MYOF: variants seen among roughly 807,000 people sequenced by gnomAD.
MYOF encodes the protein myoferlin, also known as fer-1-like 3, myoferlin.
Under a neutral mutation model 284.2 loss-of-function variants are expected in MYOF, and 244 were observed. That is an observed-to-expected ratio of 0.86 (90% CI 0.77 to 0.95). The LOEUF (loss-of-function observed/expected upper bound fraction) is 0.95, where lower values mean the gene tolerates loss of function less well. MYOF is among the 40% of genes least tolerant of loss of function. The pLI, the probability that MYOF is intolerant of heterozygous loss-of-function variation, is 0.00. For synonymous variants in MYOF, 904 were observed against 919.7 expected (o/e 0.98, Z 0.31); for missense variants, 2,496 against 2,560.6 (o/e 0.97, Z 0.54).
chr10:93,420,738 C>T (rs950137480), intron 5 of MYOF, among the ~76,000 whole-genome samples: 11 of 152,082 alleles, frequency 7.2e-5, no homozygotes, highest in Admixed American at 2.0e-4. Flanking sequence ...GAGGATGGGA[C>T]GCAGAGATTT....
Position 93,379,913 on chromosome 10 carries a change from T to G in MYOF, c.1951A>C (p.Ser651Arg). The part of the protein sequence containing the change: ...VTLTSYWEDI[S>R]HRLDAVNTLL... ...GTGTTCACCGCATCCAGGCGATGAC[T>G]AATATCCTCCCAGTATGAAGTCAGG... Residue 651 changes from serine (S) to arginine (R), a missense_variant, in exon 21 of 54, where the codon AGT (serine) becomes CGT (arginine). Ser to Arg is a moderately radical substitution (Grantham distance 110). Coordinates refer to ENST00000359263, the MANE Select transcript of MYOF (RefSeq NM_013451.4). The G allele has an allele frequency of 2.5e-6, 4 of 1,614,138 alleles. No individual in the cohort carries two copies. Among genetic ancestry groups the G allele is most frequent in the Non-Finnish European group, 3.4e-6 (4 of 1,179,990 alleles).
Position 93,469,124 on chromosome 10 carries a change from G to A in MYOF, c.89-12187C>T, listed in dbSNP as rs570003976. 1.3e-4 allele frequency among the ~76,000 whole-genome samples: 20 copies of A among 152,314 alleles called. No homozygotes were observed. In the South Asian group the frequency reaches 3.9e-3, roughly 30 times the overall value. On this transcript the variant is annotated intron_variant, in intron 1 of 53. Coordinates refer to ENST00000359263, the MANE Select transcript of MYOF (RefSeq NM_013451.4). ...AGATAAGATTATACCCATGAGCCAG[G>A]TATGGTGGCTCACGCCCATAATCCC...
chr10:93,316,491 G>GC (rs1259879859), intron 50 of MYOF, among the ~76,000 whole-genome samples: 2 of 152,154 alleles, frequency 1.3e-5, no homozygotes, highest in Admixed American at 1.3e-4. Flanking sequence ...ACAGACAGGA[G>GC]CTGGTGCAAG....
At chr10:93,421,494 G>A (rs913944435) in intron 5 of MYOF, among the ~76,000 whole-genome samples, 3 of 152,118 alleles carry the variant, frequency 2.0e-5, no homozygotes, top group East Asian at 1.9e-4. Flanking sequence ...CTGTCCCCTC[G>A]AAATCTTATG....
chr10:93,393,407 T>G (rs1846797724), intron 16 of MYOF, among the ~76,000 whole-genome samples: 1 of 152,192 alleles, frequency 6.6e-6, no homozygotes, highest in Non-Finnish European at 1.5e-5. Flanking sequence ...TGTTTCTTTG[T>G]CGGGGGGAGG....
At chr10:93,345,144 T>C (rs1844127944) in intron 37 of MYOF, among the ~76,000 whole-genome samples, 1 of 152,198 alleles carries the variant, frequency 6.6e-6, no homozygotes, top group Admixed American at 6.5e-5. Flanking sequence ...ACCCTGGCAA[T>C]TGACATACAG....
chr10:93,341,680 G>A (rs946429034), intron 38 of MYOF, among the ~76,000 whole-genome samples: 5 of 152,154 alleles, frequency 3.3e-5, no homozygotes, highest in Non-Finnish European at 4.4e-5. Context: ...GAAAGGTTAT[G>A]GAAGCAACTG....
intron 50 of MYOF, among the ~76,000 whole-genome samples, chr10:93,314,160 C>A (rs1285047829): frequency 1.3e-5 from 2 of 152,184 alleles, no homozygotes; most frequent in African/African-American, 4.8e-5. Context: ...GTGATCTCAG[C>A]TCACTGCAAC....
Position 93,370,314 on chromosome 10 carries a change from A to ATTTTTTTTTTTTTTT in MYOF, c.2458-553_2458-539dup, listed in dbSNP as rs916555324. 5.3e-3 allele frequency among the ~76,000 whole-genome samples: 651 copies of ATTTTTTTTTTTTTTT among 122,348 alleles called. 56 individuals are homozygous for ATTTTTTTTTTTTTTT. Among genetic ancestry groups the ATTTTTTTTTTTTTTT allele is most frequent in the African/African-American group, 0.021 (597 of 28,202 alleles). The allele number at this position is 122,348 out of a possible 152,430, so 80.3% of individuals were successfully genotyped here. A position where few individuals can be genotyped will look rare whatever the true frequency, so the allele number is the denominator to read the frequency against. On this transcript the variant is annotated intron_variant, in intron 24 of 53. Transcript: ENST00000359263. ...GTTGATCAAGCAGTAATGATTACTA[A>ATTTTTTTTTTTTTTT]TTTTTTTTTTTTTTTTTTTTTGAGA...
At chr10:93,432,127 C>G (rs972310479) in intron 3 of MYOF, among the ~76,000 whole-genome samples, 4 of 152,030 alleles carry the variant, frequency 2.6e-5, no homozygotes, top group African/African-American at 9.7e-5. Flanking sequence ...GTGGCTTATG[C>G]CTGAAATCCC....
chr10:93,441,561 CTTTTTTT>C (rs148461507), intron 3 of MYOF, among the ~76,000 whole-genome samples: 1 of 125,066 alleles, frequency 8.0e-6, no homozygotes, highest in Non-Finnish European at 1.7e-5. Context: ...ATTTTTGTAT[CTTTTTTT>C]TTTTTTTTTT....
intron 31 of MYOF, among the ~76,000 whole-genome samples, chr10:93,355,093 A>G (rs1274341451): frequency 6.6e-6 from 1 of 152,222 alleles, no homozygotes; most frequent in African/African-American, 2.4e-5. Flanking sequence ...ATGAGCACAT[A>G]TGAGATAGAC....
rs148869970 is a variant in MYOF at position 93,376,283 on chromosome 10, A to G, written c.2108+1040T>C. On this transcript the variant is annotated intron_variant, in intron 22 of 53. Coordinates refer to ENST00000359263, the MANE Select transcript of MYOF (RefSeq NM_013451.4). ...TTCCCCAGAGTGAGACTTTGAGGCA[A>G]AAAGATATCTGGAAGCTGTTAGTTC... Among the ~76,000 whole-genome samples the G allele has an allele frequency of 6.5e-3, 989 of 152,286 alleles. 38 individuals are homozygous for G. The highest frequency in any genetic ancestry group is 0.053 in the Admixed American group (811 of 15,288).
At chr10:93,442,522 C>G (rs1181367685) in intron 3 of MYOF, among the ~76,000 whole-genome samples, 1 of 130,042 alleles carries the variant, frequency 7.7e-6, no homozygotes, top group African/African-American at 2.4e-5. Context: ...AACTGGAATA[C>G]ATTTCCTTCT....
rs1421589415 is a variant in MYOF at position 93,396,237 on chromosome 10, T to A, written c.1335-13A>T. On this transcript the variant is annotated splice_polypyrimidine_tract_variant and intron_variant, in intron 15 of 53. Transcript: ENST00000359263. ...AGTAAGACGGTCCCTGTGTAAAAAA[T>A]AAAAATAAAAAAATAAAAAATAAAA... is the stretch of plus-strand genomic sequence containing the variant. The A allele has an allele frequency of 6.5e-7, 1 of 1,544,284 alleles. No homozygotes were observed. Among genetic ancestry groups the A allele is most frequent in the South Asian group, 1.2e-5 (1 of 81,392 alleles).
chr10:93,349,737 G>T, intron 36 of MYOF, 71 bp downstream of exon 36: 4 of 1,510,162 alleles, frequency 2.6e-6, no homozygotes, highest in Non-Finnish European at 9.0e-7. Context: ...CTGTGTTTGT[G>T]TGTGTGTGTG....
intron 27 of MYOF, among the ~76,000 whole-genome samples, chr10:93,362,350 T>C (rs1845116654): frequency 6.6e-6 from 1 of 152,088 alleles, no homozygotes; most frequent in African/African-American, 2.4e-5. Context: ...GTTCAAGCGA[T>C]TCTCCTGCCT....
intron 38 of MYOF, among the ~76,000 whole-genome samples, chr10:93,343,181 T>C (rs544287921): frequency 2.0e-5 from 3 of 152,312 alleles, no homozygotes; most frequent in African/African-American, 7.2e-5. Flanking sequence ...CAGGGAGATA[T>C]TTGGTGTTTC....
chr10:93,374,025 T>C (rs10786091), intron 23 of MYOF, among the ~76,000 whole-genome samples: 47,857 of 152,058 alleles, frequency 0.31, 8,675 homozygotes, highest in East Asian at 0.86. Flanking sequence ...CCTATCCCGC[T>C]GACAGGCCCC....
Sources: allele counts gnomAD v4.1 joint callset (sites outside exome capture counted in the v4.1 genomes callset), GRCh38; gene constraint gnomAD v4.1.1; transcripts MANE v1.5; gene names NCBI Gene and HGNC (gene_info 2026-07-23, HGNC 2026-07-21).